SLC66A1: variants seen among roughly 807,000 people sequenced by gnomAD.
The protein encoded by SLC66A1 is lysosomal amino acid transporter 1 homolog.
SLC66A1 carries 23 observed loss-of-function variants against 33.0 expected under a neutral mutation model. The observed-to-expected ratio is 0.70, with a 90% CI of 0.50 to 0.99. The LOEUF (loss-of-function observed/expected upper bound fraction) is 0.99, where lower values mean the gene tolerates loss of function less well. SLC66A1 is among the 50% of genes least tolerant of loss of function. The pLI is 0.00. For synonymous variants in SLC66A1, 164 were observed against 175.5 expected, an observed-to-expected ratio of 0.93 and a Z score of 0.52; for missense variants, 335 against 383.6, an observed-to-expected ratio of 0.87 and a Z score of 1.06.
At chr1:19,314,216 C>T (rs1482851451) in intron 1 of SLC66A1, among the ~76,000 whole-genome samples, 3 of 152,190 alleles carry the variant, frequency 2.0e-5, no homozygotes, top group African/African-American at 7.2e-5. Flanking sequence ...CTCAGAGTGT[C>T]CCGAGCTCCA....
At position 19,328,733 on chromosome 1, in the gene SLC66A1, G is replaced by C; in HGVS notation, c.*90G>C. ...TGGACAGTGATGGTACGGCGGCCCTGCATCAGCCTGCGGGTGGCCTCTGGA... is the reference window on the plus strand; with the variant it reads ...TGGACAGTGATGGTACGGCGGCCCTCCATCAGCCTGCGGGTGGCCTCTGGA... On this transcript the variant is annotated 3_prime_UTR_variant, in exon 8 of 8. Transcript: ENST00000375153. The surrounding 1 kb of genome is among the most constrained non-coding windows in gnomAD (Gnocchi z 4.7). 1 of 1,400,944 alleles carries C rather than the reference G, an allele frequency of 7.1e-7. No homozygotes were observed. Among genetic ancestry groups the C allele is most frequent in the Non-Finnish European group, 9.8e-7 (1 of 1,017,004 alleles). 86.8% of individuals were successfully genotyped at this position (1,400,944 alleles called of 1,614,324 possible). A position where few individuals can be genotyped will look rare whatever the true frequency, so the allele number is the denominator to read the frequency against.
intron 1 of SLC66A1, chr1:19,313,125 C>G: frequency 3.4e-6 from 3 of 875,724 alleles, no homozygotes; most frequent in Non-Finnish European, 4.1e-6. Context: ...TGCAGTCAGC[C>G]TAGGTGGTGG....
At chr1:19,320,745 C>T (rs1441612167) in intron 2 of SLC66A1, among the ~76,000 whole-genome samples, 2 of 149,278 alleles carry the variant, frequency 1.3e-5, no homozygotes, top group African/African-American at 5.1e-5. Flanking sequence ...CGTAGTCTTG[C>T]TCTGTTGCCC....
intron 2 of SLC66A1, among the ~76,000 whole-genome samples, chr1:19,320,614 A>G (rs576285623): frequency 6.6e-6 from 1 of 151,512 alleles, no homozygotes; most frequent in East Asian, 1.9e-4. Flanking sequence ...ACGGGGTTTC[A>G]CCGTGTTAGC....
chr1:19,327,983 A>G (rs1465974217), intron 7 of SLC66A1: 2 of 251,278 alleles, frequency 8.0e-6, no homozygotes, highest in South Asian at 8.9e-5. Context: ...CACACAGTCA[A>G]CCTCTCTGTG....
intron 7 of SLC66A1, chr1:19,327,928 T>G: frequency 3.8e-6 from 1 of 264,716 alleles, no homozygotes; most frequent in Non-Finnish European, 7.6e-6. Flanking sequence ...AAACCTGGGT[T>G]CAAATCCTGG....
chr1:19,317,871 G>C, intron 2 of SLC66A1, 30 bp downstream of exon 2: 1 of 1,602,672 alleles, frequency 6.2e-7, no homozygotes, highest in South Asian at 1.1e-5. Context: ...CAGGACCAGG[G>C]CAGGGCTGTG....
intron 2 of SLC66A1, among the ~76,000 whole-genome samples, chr1:19,319,605 G>GTTT (rs569177720): frequency 0.044 from 4,913 of 111,680 alleles, 369 homozygotes; most frequent in Non-Finnish European, 0.056. Flanking sequence ...GCACATTCAT[G>GTTT]TTTTTTTTTT....
chr1:19,324,564 G>A lies in SLC66A1; in HGVS notation c.165-69G>A, dbSNP rs915086780. 5 of 1,584,866 alleles carry A rather than the reference G, an allele frequency of 3.2e-6. No individual in the cohort carries two copies. The African/African-American group carries it at 4.0e-5, about 13-fold the overall frequency. ...CCCATGGTCGTCTCCTCTGGGCGGT[G>A]TCCCCTATAAGGCGGCATCCCCTGT... On this transcript the variant is annotated intron_variant, in intron 2 of 7. Coordinates refer to ENST00000375153, the MANE Select transcript of SLC66A1 (RefSeq NM_001040125.2).
At chr1:19,318,765 C>G (rs568862833) in intron 2 of SLC66A1, among the ~76,000 whole-genome samples, 2 of 147,132 alleles carry the variant, frequency 1.4e-5, no homozygotes, top group East Asian at 4.0e-4. Context: ...CTGGCCAACA[C>G]AGTGAGACCC....
At position 19,328,242 on chromosome 1, in the gene SLC66A1, G is replaced by A. The variant is rs1056249081; in HGVS notation, c.805-330G>A. On this transcript the variant is annotated intron_variant, in intron 7 of 7. Coordinates refer to ENST00000375153, the MANE Select transcript of SLC66A1 (RefSeq NM_001040125.2). The surrounding 1 kb of genome is among the most constrained non-coding windows in gnomAD (Gnocchi z 4.7). ...AGTTTAGGCTCTTGTGCCCCAAAAC[G>A]GCCCAGCCACCTGGAAGCCTCCAGG... 3.9e-5 allele frequency among the ~76,000 whole-genome samples: 6 copies of A among 152,154 alleles called. No individual in the cohort carries two copies. Among genetic ancestry groups the A allele is most frequent in the Non-Finnish European group, 5.9e-5 (4 of 68,028 alleles).
chr1:19,327,617 C>T (rs1048603967), intron 7 of SLC66A1: 2 of 743,746 alleles, frequency 2.7e-6, no homozygotes, highest in African/African-American at 1.7e-5. Context: ...ACCCTGGAGC[C>T]GTGAGTGAGC....
chr1:19,320,708 C>T (rs1209757970), intron 2 of SLC66A1, among the ~76,000 whole-genome samples: 4 of 149,950 alleles, frequency 2.7e-5, no homozygotes, highest in East Asian at 1.9e-4. Context: ...AGCCACCGCA[C>T]CTGGCCTCAC....
chr1:19,315,508 C>T (rs956274140), intron 1 of SLC66A1, among the ~76,000 whole-genome samples: 5 of 152,226 alleles, frequency 3.3e-5, no homozygotes, highest in African/African-American at 7.2e-5. Context: ...CTTTCCCTCC[C>T]GGTGCTCCCT....
At chr1:19,320,668 G>A (rs533293760) in intron 2 of SLC66A1, among the ~76,000 whole-genome samples, 2 of 151,544 alleles carry the variant, frequency 1.3e-5, no homozygotes, top group African/African-American at 2.4e-5. Context: ...GCCCGCCTTG[G>A]CCTCCCAAAG....
At chr1:19,324,783 G>A (rs41264069) in intron 3 of SLC66A1, 21 bp downstream of exon 3, 439,851 of 1,612,450 alleles carry the variant, frequency 0.27, 62,834 homozygotes, top group South Asian at 0.32. Context: ...ACCCGGGCAA[G>A]GTGGCGCTAC....
Position 19,329,299 on chromosome 1 carries a change from G to C in SLC66A1, c.*656G>C, listed in dbSNP as rs1404190689. The C allele has an allele frequency of 2.6e-5, 4 of 152,840 alleles. No homozygotes were observed. In the East Asian group the frequency reaches 7.7e-4, roughly 29 times the overall value. The allele number at this position is 152,840 out of a possible 1,614,324, so 9.5% of individuals were successfully genotyped here. On this transcript the variant is annotated 3_prime_UTR_variant, in exon 8 of 8. Transcript: ENST00000375153. ...AACCGAGGAAACGGTACCTCCCCATGAGACCTGCTTCTGTTGCTCCTTCCC... is the reference window on the plus strand; with the variant it reads ...AACCGAGGAAACGGTACCTCCCCATCAGACCTGCTTCTGTTGCTCCTTCCC...
chr1:19,328,767 G>A lies in SLC66A1; in HGVS notation c.*124G>A. ...TGCGGGTGGCCTCTGGATCCTCCGT[G>A]GACCGAACCGTCCCCCCAGGAACAC... On this transcript the variant is annotated 3_prime_UTR_variant, in exon 8 of 8. Coordinates refer to ENST00000375153, the MANE Select transcript of SLC66A1 (RefSeq NM_001040125.2). This position sits in a 1 kb window ranked among gnomAD's most constrained non-coding sequence, Gnocchi z 4.7. The A allele has an allele frequency of 3.9e-6, 4 of 1,035,472 alleles. No homozygotes were observed. The highest frequency in any genetic ancestry group is 5.7e-6 in the Non-Finnish European group (4 of 705,412). 64.1% of individuals were successfully genotyped at this position (1,035,472 alleles called of 1,614,324 possible). A position where few individuals can be genotyped will look rare whatever the true frequency, so the allele number is the denominator to read the frequency against.
intron 1 of SLC66A1, chr1:19,313,313 A>C (rs2093787281): frequency 3.4e-6 from 3 of 891,314 alleles, no homozygotes; most frequent in African/African-American, 2.3e-5. Flanking sequence ...TCTCTCTTCC[A>C]CCCTTTCTCC....
Sources: gnomAD v4.1 joint callset for allele counts (sites outside exome capture counted in the v4.1 genomes callset) on GRCh38, gnomAD v4.1.1 for gene constraint, Gnocchi (gnomAD v3.1) non-coding constraint, MANE v1.5 for transcripts, NCBI Gene and HGNC (gene_info 2026-07-23, HGNC 2026-07-21) for gene names.